PALM2AKAP2: variants seen among roughly 807,000 people sequenced by gnomAD.
The protein encoded by PALM2AKAP2 is PALM2-AKAP2 fusion protein.
Under a neutral mutation model 71.5 loss-of-function variants are expected in PALM2AKAP2, and 37 were observed. That is an observed-to-expected ratio of 0.52 (90% CI 0.40 to 0.68). PALM2AKAP2 has a LOEUF of 0.68. PALM2AKAP2 is among the 30% of genes least tolerant of loss of function. The probability of loss-of-function intolerance (pLI) is 0.00; values close to 1 mark genes in which losing one functional copy is unlikely to be tolerated. For synonymous variants in PALM2AKAP2, 468 were observed against 478.8 expected (o/e 0.98, Z 0.29); for missense variants, 1,224 against 1,191.8 (o/e 1.03, Z -0.40).
intron 1 of PALM2AKAP2, among the ~76,000 whole-genome samples, chr9:109,844,947 G>C (rs1334495860): frequency 6.6e-6 from 1 of 151,888 alleles, no homozygotes. Flanking sequence ...GTGTGTGTGT[G>C]TGTGTGTGTG....
chr9:109,836,723 G>A (rs868369303), intron 1 of PALM2AKAP2, among the ~76,000 whole-genome samples: 12 of 152,226 alleles, frequency 7.9e-5, no homozygotes, highest in African/African-American at 2.4e-4. Context: ...TGAGAACTAC[G>A]TGGCGAATGC....
intron 1 of PALM2AKAP2, among the ~76,000 whole-genome samples, chr9:109,725,965 G>A (rs1391926580): frequency 6.6e-6 from 1 of 152,158 alleles, no homozygotes; most frequent in Non-Finnish European, 1.5e-5. Context: ...CCCCATGGTA[G>A]CACGTAGTGC....
At chr9:109,728,339 C>A (rs1222821179) in intron 1 of PALM2AKAP2, among the ~76,000 whole-genome samples, 1 of 152,238 alleles carries the variant, frequency 6.6e-6, no homozygotes, top group Admixed American at 6.5e-5. Context: ...CCTTGCCTTA[C>A]ATCTCATAGT....
At chr9:110,116,470 C>T (rs1835365699) in intron 1 of PALM2AKAP2, among the ~76,000 whole-genome samples, 2 of 152,094 alleles carry the variant, frequency 1.3e-5, no homozygotes, top group Non-Finnish European at 2.9e-5. Flanking sequence ...CTCTCCTGTA[C>T]ATTTAAGTTA....
chr9:109,719,141 G>A (rs1489231848), intron 1 of PALM2AKAP2, among the ~76,000 whole-genome samples: 2 of 152,200 alleles, frequency 1.3e-5, no homozygotes, highest in Non-Finnish European at 1.5e-5. Flanking sequence ...CTGGAAATTA[G>A]ATATCGAGGA....
chr9:110,045,073 G>GGAGGCCACTCTT (rs66473076), upstream of PALM2AKAP2, among the ~76,000 whole-genome samples: 1 of 151,722 alleles, frequency 6.6e-6, no homozygotes, highest in Non-Finnish European at 1.5e-5. Context: ...TGGGTCCCCT[G>GGAGGCCACTCTT]GCTCAGGGGT....
chr9:109,880,473 A>C, intron 2 of PALM2AKAP2, 78 bp from the exon 3 acceptor site: 1 of 1,560,292 alleles, frequency 6.4e-7, no homozygotes, highest in East Asian at 2.3e-5. Context: ...TGGAGCTAAA[A>C]CAGCACCACT....
At chr9:109,979,227 A>G (rs1832224766) in intron 6 of PALM2AKAP2, among the ~76,000 whole-genome samples, 1 of 152,120 alleles carries the variant, frequency 6.6e-6, no homozygotes, top group Non-Finnish European at 1.5e-5. Flanking sequence ...TCCTGACTTC[A>G]AGTGATCCGT....
At chr9:109,997,205 T>C (rs1391132529) in intron 6 of PALM2AKAP2, among the ~76,000 whole-genome samples, 1 of 151,932 alleles carries the variant, frequency 6.6e-6, no homozygotes, top group Non-Finnish European at 1.5e-5. Context: ...AATAAATAAA[T>C]ATATAATAAA....
intron 3 of PALM2AKAP2, among the ~76,000 whole-genome samples, chr9:109,888,545 C>T (rs1348693630): frequency 6.6e-6 from 1 of 151,890 alleles, no homozygotes; most frequent in African/African-American, 2.4e-5. Flanking sequence ...CTCTTCTCTA[C>T]TAAAAATACA....
At chr9:109,811,990 G>C (rs1587928690) in intron 1 of PALM2AKAP2, among the ~76,000 whole-genome samples, 1 of 152,204 alleles carries the variant, frequency 6.6e-6, no homozygotes, top group Non-Finnish European at 1.5e-5. Context: ...GTGAACCAGG[G>C]GTCACTGGCC....
intron 1 of PALM2AKAP2, among the ~76,000 whole-genome samples, chr9:109,769,110 T>C (rs112507417): frequency 1.0e-3 from 155 of 150,844 alleles, no homozygotes; most frequent in African/African-American, 3.7e-3. Context: ...ATAAAAATAG[T>C]AGTTTTTACT....
chr9:109,847,386 G>C (rs1197887064), intron 1 of PALM2AKAP2, among the ~76,000 whole-genome samples: 2 of 152,210 alleles, frequency 1.3e-5, no homozygotes, highest in African/African-American at 4.8e-5. Flanking sequence ...TCCAAAGGGA[G>C]TGTGGCACTG....
Position 109,642,948 on chromosome 9 carries a change from C to A in PALM2AKAP2, c.5+2082C>A, listed in dbSNP as rs1827092519. ...AGGTGGTAGGAAGTCTTGATGAGCC[C>A]AGGAGTTTGAGAATGCGCTGAGCTA... On this transcript the variant is annotated intron_variant, in intron 1 of 6. Transcript: ENST00000374531. 2.0e-5 allele frequency among the ~76,000 whole-genome samples: 3 copies of A among 151,000 alleles called. No individual in the cohort carries two copies. The South Asian group carries it at 6.3e-4, about 32-fold the overall frequency.
chr9:110,132,032 CGTGTGTGTGT>C (rs3063946), intron 1 of PALM2AKAP2, among the ~76,000 whole-genome samples: 3,030 of 147,362 alleles, frequency 0.021, 29 homozygotes, highest in African/African-American at 0.036. Flanking sequence ...AAGTAACTAG[CGTGTGTGTGT>C]GTGTGTGTGT....
intron 6 of PALM2AKAP2, among the ~76,000 whole-genome samples, chr9:109,963,520 G>T (rs760741435): frequency 3.3e-5 from 5 of 152,284 alleles, no homozygotes; most frequent in Admixed American, 2.6e-4. Context: ...GTTGAGTTTA[G>T]CTGCCCTCTT....
At chr9:110,038,649 T>G (rs114048962) in intron 7 of PALM2AKAP2, among the ~76,000 whole-genome samples, 1,798 of 151,946 alleles carry the variant, frequency 0.012, 27 homozygotes, top group African/African-American at 0.042. Flanking sequence ...CTTAAAAAAA[T>G]TATTGTAGGC....
chr9:109,873,036 T>C (rs757492647), intron 2 of PALM2AKAP2, among the ~76,000 whole-genome samples: 5 of 152,094 alleles, frequency 3.3e-5, no homozygotes, highest in Admixed American at 1.3e-4. Flanking sequence ...ATCTTATTTA[T>C]TGAGAGTCAA....
intron 1 of PALM2AKAP2, among the ~76,000 whole-genome samples, chr9:109,861,784 T>C (rs901935436): frequency 2.6e-5 from 4 of 152,238 alleles, no homozygotes; most frequent in African/African-American, 7.2e-5. Context: ...TCATGTGGGT[T>C]AATGTCTTTA....
Sources: allele counts gnomAD v4.1 joint callset (sites outside exome capture counted in the v4.1 genomes callset), GRCh38; gene constraint gnomAD v4.1.1; transcripts MANE v1.5; gene names NCBI Gene and HGNC (gene_info 2026-07-23, HGNC 2026-07-21).